Variants in HDAC5 observed in about 807,000 individuals in gnomAD.
The protein encoded by HDAC5 is antigen NY-CO-9.
In HDAC5, 25 loss-of-function variants were observed where a neutral mutation model predicts 133.3. The observed-to-expected ratio is 0.19, with a 90% CI of 0.14 to 0.26. The LOEUF is 0.26. Ranked by LOEUF, HDAC5 falls within the 10% of genes least tolerant of loss-of-function variation. The pLI, the probability that HDAC5 is intolerant of heterozygous loss-of-function variation, is 1.00. For synonymous variants in HDAC5, 589 were observed against 610.8 expected (o/e 0.96, Z 0.53); for missense variants, 1,041 against 1,460.5 (o/e 0.71, Z 4.68).
At chr17:44,089,536 G>A (rs540299115) in intron 11 of HDAC5, among the ~76,000 whole-genome samples, 86 of 152,220 alleles carry the variant, frequency 5.6e-4, no homozygotes, top group African/African-American at 2.0e-3. Flanking sequence ...TCTGAGGTCA[G>A]GAGTTCAAGA....
chr17:44,077,343 C>T lies in HDAC5; in HGVS notation c.*1033G>A, dbSNP rs959572175. The T allele has an allele frequency of 6.6e-6, 1 of 152,564 alleles. No homozygotes were observed. The highest frequency in any genetic ancestry group is 1.5e-5 in the Non-Finnish European group (1 of 68,130). The allele number at this position is 152,564 out of a possible 1,614,324, so 9.5% of individuals were successfully genotyped here. A position where few individuals can be genotyped will look rare whatever the true frequency, so the allele number is the denominator to read the frequency against. On this transcript the variant is annotated 3_prime_UTR_variant, in exon 27 of 27. Transcript: ENST00000682912. ...AGGGAGCCCAGAAGGTATGGAAGCTCCAGCTGAGAGCCGACTCCTGGATCC... is the reference window on the plus strand; with the variant it reads ...AGGGAGCCCAGAAGGTATGGAAGCTTCAGCTGAGAGCCGACTCCTGGATCC...
intron 15 of HDAC5, 104 bp downstream of exon 15, chr17:44,084,918 G>A: frequency 3.4e-6 from 5 of 1,452,360 alleles, no homozygotes; most frequent in Non-Finnish European, 4.7e-6. Context: ...CCGAAGTCTG[G>A]GGCTGAAGAG....
In HDAC5 at chr17:44,117,629, C is replaced by T. The variant is rs2052729524; in HGVS notation, c.-114G>A. ...CAGACAGACGGACGGGACGGGAGCC[C>T]GGGGCCGCCGTGCCTCTAATGCCCA... On this transcript the variant is annotated 5_prime_UTR_variant, in exon 2 of 27. Transcript: ENST00000682912. The surrounding 1 kb of genome is among the most constrained non-coding windows in gnomAD (Gnocchi z 4.2). 8.5e-6 allele frequency: 11 copies of T among 1,286,954 alleles called. No homozygotes were observed. The highest frequency in any genetic ancestry group is 1.0e-5 in the Non-Finnish European group (9 of 899,158). 79.7% of individuals were successfully genotyped at this position (1,286,954 alleles called of 1,614,324 possible).
chr17:44,110,083 G>A (rs1428894055), intron 3 of HDAC5, among the ~76,000 whole-genome samples: 1 of 152,274 alleles, frequency 6.6e-6, no homozygotes, highest in Non-Finnish European at 1.5e-5. Flanking sequence ...TCATCCTCAT[G>A]AGATGGGAAT....
Position 44,079,289 on chromosome 17 carries a change from G to C in HDAC5, c.2945-12C>G, listed in dbSNP as rs747325512. On this transcript the variant is annotated splice_polypyrimidine_tract_variant and intron_variant, in intron 23 of 26. Coordinates refer to ENST00000682912, the MANE Select transcript of HDAC5 (RefSeq NM_005474.5). The stretch of plus-strand genomic sequence containing the variant: ...CAAGTGGCCAAAACCTTTGAGGATG[G>C]GTGAAGGGAGGAAGAAGAAATGGCG... The C allele has an allele frequency of 6.2e-7, 1 of 1,610,742 alleles. No homozygotes were observed. The highest frequency in any genetic ancestry group is 8.5e-7 in the Non-Finnish European group (1 of 1,178,046).
intron 3 of HDAC5, among the ~76,000 whole-genome samples, chr17:44,096,907 A>G (rs2051308098): frequency 6.6e-6 from 1 of 151,812 alleles, no homozygotes; most frequent in African/African-American, 2.4e-5. Context: ...TTTTTAGTAG[A>G]AACGGGGTTT....
At chr17:44,083,926 C>G (rs1335431511) in intron 16 of HDAC5, 72 bp from the exon 17 acceptor site, 4 of 1,184,572 alleles carry the variant, frequency 3.4e-6, no homozygotes, top group Non-Finnish European at 5.1e-6. Context: ...GAGTTCGAGA[C>G]CAGCCTGGAC....
chr17:44,097,693 C>G (rs895844066), intron 3 of HDAC5, among the ~76,000 whole-genome samples: 1 of 152,272 alleles, frequency 6.6e-6, no homozygotes, highest in Non-Finnish European at 1.5e-5. Flanking sequence ...ACCTGCTGCT[C>G]CCGGCAATGC....
At chr17:44,101,024 C>T (rs2051572393) in intron 3 of HDAC5, among the ~76,000 whole-genome samples, 2 of 149,214 alleles carry the variant, frequency 1.3e-5, no homozygotes, top group East Asian at 4.1e-4. Context: ...CTCTTGACCT[C>T]ATGATCCGCC....
At chr17:44,101,466 TAGG>T (rs1430147458) in intron 3 of HDAC5, among the ~76,000 whole-genome samples, 25 of 141,774 alleles carry the variant, frequency 1.8e-4, no homozygotes, top group Admixed American at 1.7e-3. Flanking sequence ...CCCAGAAAGC[TAGG>T]AGGAGGGGAG....
intron 11 of HDAC5, among the ~76,000 whole-genome samples, chr17:44,089,624 G>A (rs138603369): frequency 2.0e-5 from 3 of 151,942 alleles, no homozygotes; most frequent in East Asian, 3.9e-4. Context: ...GCACATGCCT[G>A]TAATCCCAGC....
intron 1 of HDAC5, among the ~76,000 whole-genome samples, chr17:44,121,310 G>C (rs1014847604): frequency 4.6e-5 from 7 of 152,100 alleles, no homozygotes; most frequent in African/African-American, 1.4e-4. Flanking sequence ...GAAAGGCAGA[G>C]AAAGTTTAAT....
intron 14 of HDAC5, among the ~76,000 whole-genome samples, chr17:44,085,878 G>A (rs974510718): frequency 1.3e-5 from 2 of 152,148 alleles, no homozygotes; most frequent in Admixed American, 1.3e-4. Context: ...CTGGGCTCAA[G>A]TGATCCTCCC....
rs1173263091 is a variant in HDAC5 at position 44,082,607 on chromosome 17, C to T, written c.2585G>A (p.Gly862Asp). Residue 862 changes from glycine to aspartate, a missense_variant, in exon 20 of 27, where the codon GGC becomes GAC. This residue lies in a region of HDAC5 where 174 missense variants were observed against 352.7 expected (regional missense o/e 0.49). Transcript: ENST00000682912. ...TACCCAGTCCACGATGAGGACCTTGCCCACGTTCAACTTCTGCTGTAGGAG... is the reference window on the plus strand; with the variant it reads ...TACCCAGTCCACGATGAGGACCTTGTCCACGTTCAACTTCTGCTGTAGGAG... Reference protein sequence around the residue: ...AKLLQQKLNVGKVLIVDWDIH... With the variant: ...AKLLQQKLNVDKVLIVDWDIH... 3 of 1,613,948 alleles carry T rather than the reference C, an allele frequency of 1.9e-6. No homozygotes were observed. Among genetic ancestry groups the T allele is most frequent in the African/African-American group, 1.3e-5 (1 of 74,912 alleles).
At chr17:44,109,444 C>T (rs753601513) in intron 3 of HDAC5, among the ~76,000 whole-genome samples, 2 of 152,122 alleles carry the variant, frequency 1.3e-5, no homozygotes, top group East Asian at 3.9e-4. Context: ...CCCAAGGTTA[C>T]ACCCCCATCC....
intron 3 of HDAC5, among the ~76,000 whole-genome samples, chr17:44,108,780 AAAAC>A (rs2052150579): frequency 6.6e-6 from 1 of 151,032 alleles, no homozygotes; most frequent in African/African-American, 2.5e-5. Context: ...AAACAAAAAA[AAAAC>A]AAGGCTGCCG....
rs1260445077 is a variant in HDAC5 at position 44,092,661 on chromosome 17, G to T, written c.772+15C>A. 5.2e-6 allele frequency: 8 copies of T among 1,526,242 alleles called. No homozygotes were observed. The highest frequency in any genetic ancestry group is 7.1e-6 in the Non-Finnish European group (8 of 1,134,682). 94.5% of individuals were successfully genotyped at this position (1,526,242 alleles called of 1,614,324 possible). A position where few individuals can be genotyped will look rare whatever the true frequency, so the allele number is the denominator to read the frequency against. ...GGAGCCATATTCTGGGAGGCCAGGT[G>T]GGGGACTCACTCACCTGTTTTGCGG... is the stretch of plus-strand genomic sequence containing the variant. On this transcript the variant is annotated intron_variant, in intron 7 of 26. Transcript: ENST00000682912.
At chr17:44,105,399 G>A (rs2051870585) in intron 3 of HDAC5, among the ~76,000 whole-genome samples, 1 of 152,202 alleles carries the variant, frequency 6.6e-6, no homozygotes, top group African/African-American at 2.4e-5. Flanking sequence ...GCTCTCTGGA[G>A]AAATAGACTC....
intron 1 of HDAC5, among the ~76,000 whole-genome samples, chr17:44,121,277 G>A (rs2052983187): frequency 6.6e-6 from 1 of 152,006 alleles, no homozygotes; most frequent in African/African-American, 2.4e-5. Context: ...GCTGGGCCTG[G>A]GGTGAGGTGG....
Sources: gnomAD v4.1 joint callset for allele counts (sites outside exome capture counted in the v4.1 genomes callset) on GRCh38, gnomAD v4.1.1 for gene constraint, gnomAD v4.1.1 regional missense constraint, Gnocchi (gnomAD v3.1) non-coding constraint, MANE v1.5 for transcripts, NCBI Gene and HGNC (gene_info 2026-07-23, HGNC 2026-07-21) for gene names.